The following CDH13 variants were observed in gnomAD, a reference collection of about 807,000 sequenced individuals.
CDH13 encodes cadherin-13.
A neutral mutation model predicts 63.8 loss-of-function variants in CDH13; 24 were observed. The ratio of observed to expected loss-of-function variants is 0.38; its 90% confidence interval spans 0.27 to 0.53. The LOEUF (loss-of-function observed/expected upper bound fraction) is 0.53, where lower values mean the gene tolerates loss of function less well. CDH13 is among the 20% of genes least tolerant of loss of function. CDH13 has a pLI of 0.85. For synonymous variants in CDH13, 503 were observed against 355.3 expected (o/e 1.42, Z -4.67); for missense variants, 1,049 against 903.1 (o/e 1.16, Z -2.07).
intron 5 of CDH13, among the ~76,000 whole-genome samples, chr16:83,282,667 A>T (rs2089209373): frequency 6.6e-6 from 1 of 152,244 alleles, no homozygotes; most frequent in Non-Finnish European, 1.5e-5. Flanking sequence ...CAAGAAAGAG[A>T]CAAATAGGAA....
intron 1 of CDH13, among the ~76,000 whole-genome samples, chr16:82,715,730 A>G (rs1350370506): frequency 1.3e-5 from 2 of 152,308 alleles, no homozygotes; most frequent in East Asian, 3.9e-4. Flanking sequence ...GAAAGATCAG[A>G]AGAAAGAGGT....
intron 7 of CDH13, among the ~76,000 whole-genome samples, chr16:83,525,732 C>G (rs1275488642): frequency 2.0e-5 from 3 of 152,180 alleles, no homozygotes; most frequent in Non-Finnish European, 2.9e-5. Flanking sequence ...GGAGATGATT[C>G]TGAGTTATCT....
intron 1 of CDH13, among the ~76,000 whole-genome samples, chr16:82,684,043 T>G (rs1254821560): frequency 6.6e-6 from 1 of 152,210 alleles, no homozygotes; most frequent in Non-Finnish European, 1.5e-5. Flanking sequence ...CAAGGACTAT[T>G]TATATTGAGG....
At position 82,805,022 on chromosome 16, in the gene CDH13, C is replaced by T. The variant is rs187102252; in HGVS notation, c.46-53340C>T. Among the ~76,000 whole-genome samples, 8 of 152,244 alleles carry T rather than the reference C, an allele frequency of 5.3e-5. No individual in the cohort carries two copies. The East Asian group carries it at 1.4e-3, about 26-fold the overall frequency. ...GTATCCATCTTTCCTTATCCAGAGG[C>T]GTAAAGGAAAAGCATGAAGATAAGG... On this transcript the variant is annotated intron_variant, in intron 1 of 13. Transcript: ENST00000567109.
chr16:83,530,375 C>T (rs1243023531), intron 7 of CDH13, among the ~76,000 whole-genome samples: 4 of 152,190 alleles, frequency 2.6e-5, no homozygotes, highest in Non-Finnish European at 5.9e-5. Context: ...CACCTTCTTA[C>T]ACATTCAGAT....
intron 3 of CDH13, among the ~76,000 whole-genome samples, chr16:83,090,197 C>G (rs1414971610): frequency 6.6e-6 from 1 of 152,190 alleles, no homozygotes; most frequent in African/African-American, 2.4e-5. Flanking sequence ...TCCTCAATTT[C>G]AGGCTCTTTC....
intron 4 of CDH13, among the ~76,000 whole-genome samples, chr16:83,164,142 G>A (rs529684564): frequency 3.1e-4 from 46 of 149,988 alleles, no homozygotes; most frequent in South Asian, 1.1e-3. Flanking sequence ...ACACTACAGC[G>A]TAGGTTGCTT....
intron 1 of CDH13, among the ~76,000 whole-genome samples, chr16:82,828,583 C>G (rs2038372524): frequency 6.6e-6 from 1 of 152,032 alleles, no homozygotes; most frequent in South Asian, 2.1e-4. Context: ...GATCACACCA[C>G]TGCACTCCAG....
At chr16:83,667,525 A>C (rs528778957) in intron 8 of CDH13, among the ~76,000 whole-genome samples, 1 of 152,142 alleles carries the variant, frequency 6.6e-6, no homozygotes, top group South Asian at 2.1e-4. Context: ...TGTGTTGGGC[A>C]CTGTGCTGTT....
At chr16:82,983,713 G>A (rs372137016) in intron 2 of CDH13, among the ~76,000 whole-genome samples, 129 of 152,274 alleles carry the variant, frequency 8.5e-4, no homozygotes, top group South Asian at 5.2e-3. Context: ...GAGAGAGATT[G>A]TGCATACCAT....
chr16:83,332,887 A>G (rs1479392953), intron 5 of CDH13, among the ~76,000 whole-genome samples: 1 of 152,220 alleles, frequency 6.6e-6, no homozygotes, highest in Non-Finnish European at 1.5e-5. Flanking sequence ...ACACATAAGA[A>G]AAAATGTTTT....
intron 10 of CDH13, among the ~76,000 whole-genome samples, chr16:83,711,297 G>A (rs1214331481): frequency 6.6e-6 from 1 of 152,180 alleles, no homozygotes; most frequent in Non-Finnish European, 1.5e-5. Flanking sequence ...ATTGCATTCT[G>A]TGAGCAAACA....
At chr16:82,915,535 G>A (rs190253712) in intron 2 of CDH13, among the ~76,000 whole-genome samples, 7 of 152,182 alleles carry the variant, frequency 4.6e-5, no homozygotes, top group African/African-American at 7.2e-5. Flanking sequence ...GCCCAGGGGG[G>A]AAATTACAGT....
In CDH13 at chr16:83,795,978, A is replaced by C. The variant is rs1038394190; in HGVS notation, c.*948A>C. On this transcript the variant is annotated 3_prime_UTR_variant, in exon 14 of 14. Transcript: ENST00000567109. ...TGTACAGGTACCATCTTGTATACAC[A>C]TATATACCCACATGTACAGACATAC... 3 of 152,656 alleles carry C rather than the reference A, an allele frequency of 2.0e-5. No individual in the cohort carries two copies. Among genetic ancestry groups the C allele is most frequent in the African/African-American group, 7.2e-5 (3 of 41,446 alleles). The allele number at this position is 152,656 out of a possible 1,614,324, so 9.5% of individuals were successfully genotyped here.
chr16:82,765,737 A>C (rs1190580401), intron 1 of CDH13, among the ~76,000 whole-genome samples: 2 of 152,040 alleles, frequency 1.3e-5, no homozygotes, highest in Admixed American at 6.6e-5. Context: ...TCACAGTCTA[A>C]CTCTCTGAGT....
intron 2 of CDH13, among the ~76,000 whole-genome samples, chr16:82,972,918 G>A (rs1005489683): frequency 2.6e-5 from 4 of 152,098 alleles, no homozygotes; most frequent in East Asian, 1.9e-4. Flanking sequence ...ATGAACCCTC[G>A]TAGGCGTCTA....
intron 1 of CDH13, among the ~76,000 whole-genome samples, chr16:82,646,846 G>T (rs1352738841): frequency 6.6e-6 from 1 of 152,176 alleles, no homozygotes; most frequent in East Asian, 1.9e-4. Context: ...CTCGAGGGAA[G>T]CCTGAGTCCA....
intron 6 of CDH13, among the ~76,000 whole-genome samples, chr16:83,453,957 G>A (rs1305561930): frequency 6.6e-6 from 1 of 152,240 alleles, no homozygotes; most frequent in Middle Eastern, 3.4e-3. Flanking sequence ...TCCCAAGCAG[G>A]GTGTGCACGC....
chr16:83,221,403 T>C (rs1364871499), intron 5 of CDH13, among the ~76,000 whole-genome samples: 3 of 152,194 alleles, frequency 2.0e-5, no homozygotes, highest in African/African-American at 7.2e-5. Context: ...GCTGACATAC[T>C]AATGCAAAGC....
Sources: gnomAD v4.1 joint callset for allele counts (sites outside exome capture counted in the v4.1 genomes callset) on GRCh38, gnomAD v4.1.1 for gene constraint, MANE v1.5 for transcripts, NCBI Gene and HGNC (gene_info 2026-07-23, HGNC 2026-07-21) for gene names.